Variants in ATXN3 observed in about 807,000 individuals in gnomAD.
ATXN3 encodes ataxin 3, also known as ataxin-3.
A neutral mutation model predicts 58.2 loss-of-function variants in ATXN3; 28 were observed. That is an observed-to-expected ratio of 0.48 (90% confidence interval 0.36 to 0.66). ATXN3 has a LOEUF of 0.66. ATXN3 is among the 30% of genes least tolerant of loss of function. The pLI is 0.00. For synonymous variants in ATXN3, 113 were observed against 138.5 expected, an observed-to-expected ratio of 0.82 and a Z score of 1.29; for missense variants, 321 against 422.1, an observed-to-expected ratio of 0.76 and a Z score of 2.10.
chr14:92,052,331 C>T (rs1446011124), upstream of ATXN3, among the ~76,000 whole-genome samples: 2 of 151,808 alleles, frequency 1.3e-5, no homozygotes, highest in East Asian at 3.9e-4. Context: ...CCCGTCTCTA[C>T]TAAAAATACA....
At chr14:92,046,709 A>G (rs997376261) in intron 2 of ATXN3, among the ~76,000 whole-genome samples, 2 of 152,160 alleles carry the variant, frequency 1.3e-5, no homozygotes, top group African/African-American at 4.8e-5. Flanking sequence ...TTTTGTTAGG[A>G]TGGCAAAACC....
intron 7 of ATXN3, among the ~76,000 whole-genome samples, 187 bp from the exon 8 acceptor site, chr14:92,082,653 T>C (rs560406003): frequency 2.0e-4 from 16 of 78,418 alleles, no homozygotes; most frequent in Admixed American, 1.4e-3. Context: ...CCGTTTCTTT[T>C]TTTTTTTTTT....
chr14:92,084,146 T>C (rs1176201929), intron 6 of ATXN3, among the ~76,000 whole-genome samples: 1 of 152,188 alleles, frequency 6.6e-6, no homozygotes, highest in Non-Finnish European at 1.5e-5. Context: ...GGACTTCACC[T>C]TGTGATCATA....
chr14:92,051,702 TTTC>T (rs1165293204), upstream of ATXN3, among the ~76,000 whole-genome samples: 2 of 148,096 alleles, frequency 1.4e-5, no homozygotes, highest in African/African-American at 2.5e-5. Context: ...TCTTTTTTCT[TTTC>T]TTCTTTTCCT....
upstream of ATXN3, among the ~76,000 whole-genome samples, chr14:92,051,090 A>T (rs550080721): frequency 2.0e-5 from 3 of 152,368 alleles, no homozygotes; most frequent in South Asian, 6.2e-4. Flanking sequence ...ATTGAAAAAT[A>T]AAAGATTTAG....
chr14:92,055,947 C>T (rs1017351809), downstream of ATXN3, among the ~76,000 whole-genome samples: 1 of 151,852 alleles, frequency 6.6e-6, no homozygotes, highest in South Asian at 2.1e-4. This position sits in a 1 kb window ranked among gnomAD's most constrained non-coding sequence, Gnocchi z 4.5. Context: ...GGTGACAGAA[C>T]GAGGCCCTGT....
chr14:92,091,599 T>C (rs1310556775), intron 5 of ATXN3, among the ~76,000 whole-genome samples: 1 of 151,740 alleles, frequency 6.6e-6, no homozygotes, highest in Non-Finnish European at 1.5e-5. Context: ...TATATTTTCT[T>C]GACTTATACC....
chr14:92,078,227 G>A (rs7148184), intron 9 of ATXN3, among the ~76,000 whole-genome samples: 41,956 of 151,828 alleles, frequency 0.28, 6,077 homozygotes, highest in East Asian at 0.44. Context: ...CAGGTGATCC[G>A]CCCACCTCAG....
At chr14:92,047,153 G>A (rs1008459305) in intron 2 of ATXN3, among the ~76,000 whole-genome samples, 1 of 152,196 alleles carries the variant, frequency 6.6e-6, no homozygotes, top group Non-Finnish European at 1.5e-5. Context: ...AGCAAAAGAG[G>A]CTGGGATGAG....
In ATXN3 at chr14:92,096,082, T is replaced by C; in HGVS notation, c.234+11A>G. 2 of 1,572,896 alleles carry C rather than the reference T, an allele frequency of 1.3e-6. No individual in the cohort carries two copies. The highest frequency in any genetic ancestry group is 1.7e-6 in the Non-Finnish European group (2 of 1,145,082). The stretch of plus-strand genomic sequence containing the variant: ...GTAAGCAACACATAGTACATGCTTG[T>C]GACTACTTACCTGAATAGAGAAAAA... On this transcript the variant is annotated intron_variant, in intron 3 of 10. Coordinates refer to ENST00000644486, the MANE Select transcript of ATXN3 (RefSeq NM_004993.6).
At chr14:92,050,400 G>C (rs1049711598), upstream of ATXN3, 3 of 152,198 alleles carry the variant, frequency 2.0e-5, no homozygotes, top group African/African-American at 7.2e-5. Flanking sequence ...TATCTCAGTA[G>C]CTAATATGTT....
rs1595440113 is a variant in ATXN3, at chr14:92,060,220, TCATATATATATA to T, written c.*4088_*4099del. Reference sequence around the variant, plus strand: ...CTGGGATAAAGTTTTTAATAGGAAGTCATATATATATACATATATATATACACACATATATAT... The same window carrying T: ...CTGGGATAAAGTTTTTAATAGGAAGTCATATATATATACACACATATATAT... On this transcript the variant is annotated 3_prime_UTR_variant, in exon 11 of 11. Transcript: ENST00000644486. The T allele has an allele frequency of 1.4e-5, 2 of 145,748 alleles. No homozygotes were observed. Among genetic ancestry groups the T allele is most frequent in the Admixed American group, 1.4e-4 (2 of 14,476 alleles). The allele number at this position is 145,748 out of a possible 1,614,324, so 9.0% of individuals were successfully genotyped here. A position where few individuals can be genotyped will look rare whatever the true frequency, so the allele number is the denominator to read the frequency against.
intron 1 of ATXN3, among the ~76,000 whole-genome samples, chr14:92,105,765 A>G (rs191189424): frequency 3.6e-3 from 548 of 152,322 alleles, no homozygotes; most frequent in Non-Finnish European, 4.7e-3. Context: ...GAAGAGTTAA[A>G]GGGACAGCAG....
At chr14:92,045,409 G>A (rs903112275) in intron 2 of ATXN3, among the ~76,000 whole-genome samples, 1 of 152,118 alleles carries the variant, frequency 6.6e-6, no homozygotes, top group South Asian at 2.1e-4. Flanking sequence ...AATGACTGTG[G>A]TGGCCTTCTC....
rs2057632394 is a variant in ATXN3 at position 92,059,862 on chromosome 14, G to C, written c.*4458C>G. On this transcript the variant is annotated 3_prime_UTR_variant, in exon 11 of 11. Coordinates refer to ENST00000644486, the MANE Select transcript of ATXN3 (RefSeq NM_004993.6). ...GAAAGAAAGAAAGAAAAAGAAAATA[G>C]CGGCCCAACGCCTCTTCGTTTCCGG... 1 of 150,552 alleles carries C rather than the reference G, an allele frequency of 6.6e-6. No individual in the cohort carries two copies. The highest frequency in any genetic ancestry group is 2.1e-4 in the South Asian group (1 of 4,752). 9.3% of individuals were successfully genotyped at this position (150,552 alleles called of 1,614,324 possible). A position where few individuals can be genotyped will look rare whatever the true frequency, so the allele number is the denominator to read the frequency against.
chr14:92,093,538 C>T, intron 4 of ATXN3: 1 of 629,724 alleles, frequency 1.6e-6, no homozygotes, highest in Non-Finnish European at 2.8e-6. Flanking sequence ...GGGGTCAGCT[C>T]TGTGCTGCCA....
chr14:92,066,609 T>G (rs2058470332), intron 10 of ATXN3, among the ~76,000 whole-genome samples: 1 of 143,422 alleles, frequency 7.0e-6, no homozygotes, highest in East Asian at 2.0e-4. Context: ...TTGTTTTTTT[T>G]TTTTTTTTTT....
chr14:92,084,348 A>G (rs558170654), intron 6 of ATXN3, among the ~76,000 whole-genome samples: 1 of 152,324 alleles, frequency 6.6e-6, no homozygotes, highest in East Asian at 1.9e-4. Context: ...CCACACATGT[A>G]CACCCCTTGT....
chr14:92,045,230 G>A (rs1031389385), intron 2 of ATXN3, among the ~76,000 whole-genome samples: 18 of 152,152 alleles, frequency 1.2e-4, no homozygotes, highest in Middle Eastern at 3.2e-3. Context: ...CCATTAGTCC[G>A]TTCTACCTTT....
Sources: gnomAD v4.1 joint callset for allele counts (sites outside exome capture counted in the v4.1 genomes callset) on GRCh38, gnomAD v4.1.1 for gene constraint, Gnocchi (gnomAD v3.1) non-coding constraint, MANE v1.5 for transcripts, NCBI Gene and HGNC (gene_info 2026-07-23, HGNC 2026-07-21) for gene names.